Variants in ANKRD30B observed in about 807,000 individuals in gnomAD.
ANKRD30B encodes ankyrin repeat domain-containing protein 30B.
Under a neutral mutation model 202.2 loss-of-function variants are expected in ANKRD30B, and 144 were observed. That is an observed-to-expected ratio of 0.71 (90% CI 0.62 to 0.82). The LOEUF is 0.82. Ranked by LOEUF, ANKRD30B falls within the 40% of genes least tolerant of loss-of-function variation. The pLI is 0.00. For missense variants in ANKRD30B, 1,487 were observed against 1,669.1 expected (o/e 0.89, Z 1.90); for synonymous variants, 508 against 561.3 (o/e 0.91, Z 1.34).
chr18:14,837,001 T>C, intron 34 of ANKRD30B: 1 of 436,434 alleles, frequency 2.3e-6, no homozygotes. Flanking sequence ...CACATATCTC[T>C]ACCATTTCTT....
At chr18:14,909,106 C>T in the ANKRD30B span, among the ~76,000 whole-genome samples, 1 of 152,156 alleles carries the variant, frequency 6.6e-6, no homozygotes, top group Admixed American at 6.5e-5. Context: ...TCTGCCAAAG[C>T]CATCAGGAGG....
the ANKRD30B span, among the ~76,000 whole-genome samples, chr18:14,922,511 C>A: frequency 6.6e-6 from 1 of 151,686 alleles, no homozygotes; most frequent in Non-Finnish European, 1.5e-5. Flanking sequence ...AAAAATTAGC[C>A]GGGCGTGGTG....
At chr18:14,937,956 A>G in the ANKRD30B span, among the ~76,000 whole-genome samples, 2 of 152,298 alleles carry the variant, frequency 1.3e-5, no homozygotes, top group South Asian at 4.1e-4. Context: ...CTCCCATCAA[A>G]CAAGGATATG....
the ANKRD30B span, among the ~76,000 whole-genome samples, chr18:14,902,457 TAA>T: frequency 1.3e-5 from 2 of 152,078 alleles, no homozygotes; most frequent in African/African-American, 4.8e-5. Context: ...AAATTCCTTA[TAA>T]AAAAAAGTTT....
chr18:14,793,310 G>A (rs1226230156), intron 16 of ANKRD30B, among the ~76,000 whole-genome samples: 1 of 152,010 alleles, frequency 6.6e-6, no homozygotes, highest in Non-Finnish European at 1.5e-5. Context: ...CTCAATGACA[G>A]GACATATTAA....
At chr18:14,903,297 C>T in the ANKRD30B span, among the ~76,000 whole-genome samples, 1 of 152,150 alleles carries the variant, frequency 6.6e-6, no homozygotes, top group Non-Finnish European at 1.5e-5. Flanking sequence ...GGGGGAGAGC[C>T]ACAGAGTGAT....
At chr18:14,785,601 G>GC (rs1968029012) in intron 14 of ANKRD30B, among the ~76,000 whole-genome samples, 1 of 152,114 alleles carries the variant, frequency 6.6e-6, no homozygotes, top group Admixed American at 6.6e-5. Flanking sequence ...TTTGAACTGT[G>GC]CCCCACAGCT....
downstream of ANKRD30B, among the ~76,000 whole-genome samples, chr18:14,854,804 T>G (rs1972024397): frequency 6.7e-6 from 1 of 150,078 alleles, no homozygotes; most frequent in Non-Finnish European, 1.5e-5. Flanking sequence ...GTTCCTGTCT[T>G]ATGGTTAGCT....
the ANKRD30B span, among the ~76,000 whole-genome samples, chr18:14,928,924 T>G: frequency 8.5e-5 from 13 of 152,346 alleles, no homozygotes; most frequent in Middle Eastern, 3.4e-3. Flanking sequence ...GCGTCTCTAT[T>G]CTTCATCCTT....
the ANKRD30B span, among the ~76,000 whole-genome samples, chr18:14,876,213 C>T: frequency 1.3e-5 from 2 of 151,922 alleles, no homozygotes; most frequent in African/African-American, 4.8e-5. Flanking sequence ...GTCACCTTCC[C>T]AGCTTTGCCA....
At chr18:14,888,666 C>A in the ANKRD30B span, 1 of 476,142 alleles carries the variant, frequency 2.1e-6, no homozygotes. Context: ...TTAAAGAAAT[C>A]TCCCTGCTGG....
intron 24 of ANKRD30B, among the ~76,000 whole-genome samples, chr18:14,804,953 T>G (rs1399582645): frequency 1.3e-5 from 2 of 150,690 alleles, no homozygotes; most frequent in African/African-American, 4.9e-5. Flanking sequence ...ATATTTTTAC[T>G]GCAGAATGTT....
intron 20 of ANKRD30B, among the ~76,000 whole-genome samples, chr18:14,798,382 A>C (rs1050641468): frequency 6.6e-6 from 1 of 152,126 alleles, no homozygotes; most frequent in East Asian, 1.9e-4. Flanking sequence ...TTTACAATAT[A>C]GTGTGTGCAT....
chr18:14,782,568 T>C lies in ANKRD30B; in HGVS notation c.1524T>C (p.Pro508=). Reference sequence around the variant, plus strand: ...CTGCAAAGACTCAAGTGTGTATACCTGAGTCTATGTATCAGAAAGTAATGG... The same window carrying C: ...CTGCAAAGACTCAAGTGTGTATACCCGAGTCTATGTATCAGAAAGTAATGG... ...ESSAKTQVCI[P]ESMYQKVMEI... is the part of the protein sequence containing the mutation. The change falls in exon 12 of 44, where the codon CCT becomes CCC. Residue 508 remains proline (P), a synonymous_variant. Transcript: ENST00000690538. 6.3e-7 allele frequency: 1 copy of C among 1,588,832 alleles called. No homozygotes were observed. Among genetic ancestry groups the C allele is most frequent in the Non-Finnish European group, 8.5e-7 (1 of 1,170,958 alleles).
the ANKRD30B span, among the ~76,000 whole-genome samples, chr18:14,922,830 G>C: frequency 6.6e-6 from 1 of 152,138 alleles, no homozygotes; most frequent in Non-Finnish European, 1.5e-5. Context: ...TAAAAGCCGA[G>C]GCAGATCAGC....
intron 1 of ANKRD30B, 110 bp from the exon 2 acceptor site, chr18:14,752,456 T>C: frequency 2.7e-6 from 2 of 733,210 alleles, no homozygotes; most frequent in Non-Finnish European, 4.3e-6. Context: ...TAAATATTTG[T>C]TTTGAAGGTA....
the ANKRD30B span, among the ~76,000 whole-genome samples, chr18:14,888,275 T>C: frequency 1.3e-5 from 2 of 152,110 alleles, no homozygotes; most frequent in African/African-American, 4.8e-5. Flanking sequence ...TGACAAATCC[T>C]GCCAGCAGCC....
At chr18:14,929,842 T>C in the ANKRD30B span, among the ~76,000 whole-genome samples, 1 of 152,016 alleles carries the variant, frequency 6.6e-6, no homozygotes, top group African/African-American at 2.4e-5. Context: ...GTGTAATAGA[T>C]AAACGAAGGT....
the ANKRD30B span, among the ~76,000 whole-genome samples, chr18:14,861,696 G>A: frequency 2.6e-5 from 4 of 151,074 alleles, no homozygotes; most frequent in South Asian, 6.3e-4. Flanking sequence ...ACACCCCACC[G>A]ACAGCAGTAA....
Sources: allele counts gnomAD v4.1 joint callset (sites outside exome capture counted in the v4.1 genomes callset), GRCh38; gene constraint gnomAD v4.1.1; transcripts MANE v1.5; gene names NCBI Gene and HGNC (gene_info 2026-07-23, HGNC 2026-07-21).